Variants in FAM81A observed in about 807,000 individuals in gnomAD.
The protein encoded by FAM81A is family with sequence similarity 81 member A.
FAM81A carries 19 observed loss-of-function variants against 46.7 expected under a neutral mutation model. The ratio of observed to expected loss-of-function variants is 0.41; its 90% CI spans 0.28 to 0.60. The LOEUF is 0.60. Among genes scored for constraint, FAM81A ranks in the 20% least tolerant of loss-of-function variants. The probability of loss-of-function intolerance (pLI) is 0.34; values close to 1 mark genes in which losing one functional copy is unlikely to be tolerated. For synonymous variants in FAM81A, 183 were observed against 152.9 expected (o/e 1.20, Z -1.45); for missense variants, 377 against 453.5 (o/e 0.83, Z 1.53).
chr15:59,420,489 G>A (rs1034312588), intron 2 of FAM81A, among the ~76,000 whole-genome samples: 2 of 152,116 alleles, frequency 1.3e-5, no homozygotes, highest in Non-Finnish European at 2.9e-5. Context: ...TGAGTCTAAC[G>A]GAAAAACAAA....
Position 59,460,163 on chromosome 15 carries a change from G to A in FAM81A, c.251G>A (p.Arg84Lys). The change falls in exon 3 of 9, where the codon AGA becomes AAA. Residue 84 changes from arginine (R) to lysine (K), a missense_variant. Transcript: ENST00000288228. This position sits in a 1 kb window ranked among gnomAD's most constrained non-coding sequence, Gnocchi z 4.4. ...LARLFLEEHI[R>K]NITAIVKQLN... is the part of the protein sequence containing the mutation. ...AGGCTTTTCTTGGAGGAGCATATCA[G>A]AAACATAACTGCCATAGTGAAGCAA... 1 of 1,614,034 alleles carries A rather than the reference G, an allele frequency of 6.2e-7. No individual in the cohort carries two copies. The highest frequency in any genetic ancestry group is 1.1e-5 in the South Asian group (1 of 91,086).
At chr15:59,510,934 G>T (rs765954199) in intron 6 of FAM81A, among the ~76,000 whole-genome samples, 3 of 151,916 alleles carry the variant, frequency 2.0e-5, no homozygotes, top group Non-Finnish European at 4.4e-5. Flanking sequence ...GATCACCTGA[G>T]GTCAGGAATT....
intron 3 of FAM81A, among the ~76,000 whole-genome samples, chr15:59,485,931 C>A (rs1372787973): frequency 1.3e-5 from 2 of 152,074 alleles, no homozygotes; most frequent in African/African-American, 2.4e-5. Flanking sequence ...GTAATCCCAG[C>A]ACTTTGGGAG....
At chr15:59,398,182 G>A (rs1057207779) in intron 1 of FAM81A, among the ~76,000 whole-genome samples, 3 of 152,208 alleles carry the variant, frequency 2.0e-5, no homozygotes, top group Non-Finnish European at 4.4e-5. Flanking sequence ...TATGAGTTAT[G>A]TTAGGTGAGG....
intron 4 of FAM81A, among the ~76,000 whole-genome samples, chr15:59,503,675 C>G (rs555383481): frequency 6.6e-6 from 1 of 152,004 alleles, no homozygotes; most frequent in Non-Finnish European, 1.5e-5. Context: ...CAGGCTCAAG[C>G]GATTCTTGTG....
intron 1 of FAM81A, among the ~76,000 whole-genome samples, chr15:59,454,013 T>C (rs2081452327): frequency 6.6e-6 from 1 of 152,166 alleles, no homozygotes; most frequent in South Asian, 2.1e-4. Flanking sequence ...CAACTTCCTA[T>C]CACTCCTCAG....
Position 59,505,952 on chromosome 15 carries a change from T to C in FAM81A, c.414-1261T>C, listed in dbSNP as rs1401502640. On this transcript the variant is annotated intron_variant, in intron 4 of 8. Coordinates refer to ENST00000288228, the MANE Select transcript of FAM81A (RefSeq NM_152450.3). ...TGGCCATCTCTTATTCCAGGCAAAATGAATCTCCCAATATATTGTTAGAAA... is the reference window on the plus strand; with the variant it reads ...TGGCCATCTCTTATTCCAGGCAAAACGAATCTCCCAATATATTGTTAGAAA... Among the ~76,000 whole-genome samples, 4 of 152,160 alleles carry C rather than the reference T, an allele frequency of 2.6e-5. No individual in the cohort carries two copies. The East Asian group carries it at 7.7e-4, about 29-fold the overall frequency.
chr15:59,418,307 A>G (rs1187080283), intron 2 of FAM81A, among the ~76,000 whole-genome samples: 1 of 152,216 alleles, frequency 6.6e-6, no homozygotes, highest in African/African-American at 2.4e-5. Context: ...CAGAAAAGCT[A>G]CCTTACGTGG....
At chr15:59,511,287 A>G (rs1467514967) in intron 6 of FAM81A, among the ~76,000 whole-genome samples, 1 of 152,236 alleles carries the variant, frequency 6.6e-6, no homozygotes, top group African/African-American at 2.4e-5. Flanking sequence ...ATGAGGAGGA[A>G]GATTTCTGAA....
At chr15:59,399,433 A>T (rs1249749127) in intron 1 of FAM81A, among the ~76,000 whole-genome samples, 1 of 152,176 alleles carries the variant, frequency 6.6e-6, no homozygotes, top group African/African-American at 2.4e-5. Context: ...AGACAAGAGA[A>T]TGGATGTGTA....
rs535946832 is a variant in FAM81A, at chr15:59,455,810, C to G, written c.-77-2740C>G. ...CCTTCAGAGAAGGGGATGCCAAAGT[C>G]CCCATTCTTTCAGATACTTATTGAG... On this transcript the variant is annotated intron_variant, in intron 1 of 8. Transcript: ENST00000288228. Among the ~76,000 whole-genome samples, 156 of 152,248 alleles carry G rather than the reference C, an allele frequency of 1.0e-3. 2 individuals carry two copies. Among genetic ancestry groups the G allele is most frequent in the African/African-American group, 3.1e-3 (128 of 41,554 alleles).
intron 2 of FAM81A, among the ~76,000 whole-genome samples, chr15:59,405,128 A>G (rs1286473931): frequency 6.6e-6 from 1 of 152,238 alleles, no homozygotes; most frequent in Non-Finnish European, 1.5e-5. Flanking sequence ...CTGACCACTC[A>G]GTCTAAGCCA....
intron 6 of FAM81A, among the ~76,000 whole-genome samples, chr15:59,512,157 G>A (rs1053294686): frequency 1.6e-4 from 25 of 152,074 alleles, no homozygotes; most frequent in Non-Finnish European, 7.4e-5. Context: ...TCACACTTTA[G>A]TACGTTCCAT....
chr15:59,449,090 G>A (rs1162507350), intron 1 of FAM81A, among the ~76,000 whole-genome samples: 3 of 152,160 alleles, frequency 2.0e-5, no homozygotes, highest in African/African-American at 4.8e-5. Context: ...ATAGTATTAA[G>A]TATGGATAAA....
intron 1 of FAM81A, among the ~76,000 whole-genome samples, chr15:59,447,560 G>A (rs1228810013): frequency 9.2e-5 from 14 of 152,190 alleles, no homozygotes; most frequent in African/African-American, 3.4e-4. Flanking sequence ...TTCCTCAATT[G>A]GGACAGTGTG....
Position 59,459,919 on chromosome 15 carries a change from G to T in FAM81A, c.21-14G>T, listed in dbSNP as rs775795435. On this transcript the variant is annotated splice_polypyrimidine_tract_variant and intron_variant, in intron 2 of 8. Transcript: ENST00000288228. ...TTTTTCCCAATTAACAACCCTCATG[G>T]TTCCCTTCTGCAGGCGAGTGAGAAC... 7 of 1,579,134 alleles carry T rather than the reference G, an allele frequency of 4.4e-6. No homozygotes were observed. The South Asian group carries it at 5.7e-5, about 13-fold the overall frequency.
intron 4 of FAM81A, among the ~76,000 whole-genome samples, chr15:59,499,474 A>G (rs1187247010): frequency 1.3e-5 from 2 of 152,222 alleles, no homozygotes; most frequent in South Asian, 4.1e-4. Flanking sequence ...GCTCGTTATA[A>G]TTACATAATT....
chr15:59,419,884 A>T (rs533747719), intron 2 of FAM81A, among the ~76,000 whole-genome samples: 16 of 152,288 alleles, frequency 1.1e-4, no homozygotes, highest in Admixed American at 3.3e-4. Context: ...TCTAAAAAAC[A>T]AAAAAACAAA....
At chr15:59,426,794 C>T (rs2081197028) in intron 2 of FAM81A, among the ~76,000 whole-genome samples, 1 of 152,250 alleles carries the variant, frequency 6.6e-6, no homozygotes, top group Admixed American at 6.5e-5. Context: ...CACTTCCCCC[C>T]TAAGCTTCTC....
Sources: gnomAD v4.1 joint callset for allele counts (sites outside exome capture counted in the v4.1 genomes callset) on GRCh38, gnomAD v4.1.1 for gene constraint, Gnocchi (gnomAD v3.1) non-coding constraint, MANE v1.5 for transcripts, NCBI Gene and HGNC (gene_info 2026-07-23, HGNC 2026-07-21) for gene names.